Variants in APC observed in about 807,000 individuals in gnomAD.
APC encodes the protein APC regulator of Wnt signaling pathway.
APC carries 72 observed loss-of-function variants against 247.0 expected under a neutral mutation model. The observed-to-expected ratio is 0.29, with a 90% CI of 0.24 to 0.35. The LOEUF (loss-of-function observed/expected upper bound fraction) is 0.35. APC is among the 10% of genes least tolerant of loss of function. APC has a pLI of 1.00. For synonymous variants in APC, 1,254 were observed against 1,162.5 expected (o/e 1.08, Z -1.60); for missense variants, 3,400 against 3,360.7 (o/e 1.01, Z -0.29).
In APC at chr5:112,838,750, C is replaced by T; in HGVS notation, c.3156C>T (p.Pro1052=). ...CACAGAATGAAAGATGGGCAAGACC[C>T]AAACACATAATAGAAGATGAAATAA... ...SPSQNERWAR[P]KHIIEDEIKQ... Residue 1052 remains proline (P), a synonymous_variant, in exon 16 of 16, where the codon CCC becomes CCT. Transcript: ENST00000257430. 6 of 1,614,030 alleles carry T rather than the reference C, an allele frequency of 3.7e-6. No homozygotes were observed. The highest frequency in any genetic ancestry group is 5.1e-6 in the Non-Finnish European group (6 of 1,179,998).
intron 10 of APC, among the ~76,000 whole-genome samples, chr5:112,819,687 C>T (rs755416315): frequency 6.6e-6 from 1 of 152,166 alleles, no homozygotes; most frequent in Non-Finnish European, 1.5e-5. Flanking sequence ...AGTGACTTTA[C>T]GTAAGTTCCT....
At chr5:112,790,777 G>A (rs1397647427) in intron 6 of APC, among the ~76,000 whole-genome samples, 2 of 152,196 alleles carry the variant, frequency 1.3e-5, no homozygotes, top group African/African-American at 4.8e-5. Flanking sequence ...ATAACTGCAT[G>A]TATTTAAAGC....
chr5:112,814,853 C>T (rs1389445682), intron 8 of APC, among the ~76,000 whole-genome samples: 23 of 152,204 alleles, frequency 1.5e-4, no homozygotes, highest in Admixed American at 1.4e-3. Context: ...GTATTTGTAC[C>T]TTTGCACAGT....
chr5:112,821,698 G>A (rs183704385), intron 10 of APC, among the ~76,000 whole-genome samples, 198 bp from the exon 11 acceptor site: 1 of 152,184 alleles, frequency 6.6e-6, no homozygotes, highest in East Asian at 1.9e-4. Flanking sequence ...ACATTTTTAT[G>A]GAAACAAATC....
chr5:112,757,736 C>T (rs1162625105), intron 2 of APC, among the ~76,000 whole-genome samples: 1 of 152,006 alleles, frequency 6.6e-6, no homozygotes, highest in Non-Finnish European at 1.5e-5. Flanking sequence ...TAGGTCTCCT[C>T]CAACCGGATT....
At chr5:112,836,594 A>G (rs965316113) in intron 15 of APC, among the ~76,000 whole-genome samples, 2 of 152,246 alleles carry the variant, frequency 1.3e-5, no homozygotes, top group Admixed American at 6.5e-5. Context: ...AGAGTTCATT[A>G]TGCTGATTCT....
At chr5:112,734,066 G>A (rs1014857973), upstream of APC, among the ~76,000 whole-genome samples, 5 of 152,256 alleles carry the variant, frequency 3.3e-5, no homozygotes, top group South Asian at 2.1e-4. Flanking sequence ...GGCTGCTCAC[G>A]TCTGTAATCA....
chr5:112,839,061 A>T lies in APC; in HGVS notation c.3467A>T (p.Glu1156Val). The T allele has an allele frequency of 6.2e-7, 1 of 1,614,124 alleles. No homozygotes were observed. Among genetic ancestry groups the T allele is most frequent in the Non-Finnish European group, 8.5e-7 (1 of 1,180,026 alleles). Residue 1156 changes from glutamate to valine, a missense_variant, in exon 16 of 16, where the codon GAA becomes GTA. Coordinates refer to ENST00000257430, the MANE Select transcript of APC (RefSeq NM_000038.6). The surrounding 1 kb of genome is among the most constrained non-coding windows in gnomAD (Gnocchi z 5.0). ...TCTGAAGAAGAACAGCATGAAGAAG[A>T]AGAGAGACCAACAAATTATAGCATA... ...RYSEEEQHEE[E>V]ERPTNYSIKY...
chr5:112,829,477 A>G (rs1300297168), intron 14 of APC: 2 of 164,312 alleles, frequency 1.2e-5, no homozygotes, highest in Non-Finnish European at 2.7e-5. Flanking sequence ...ACCAGTCCAT[A>G]GTTTTAGAGT....
At chr5:112,765,809 TAC>T (rs1449119380) in intron 2 of APC, among the ~76,000 whole-genome samples, 1 of 152,170 alleles carries the variant, frequency 6.6e-6, no homozygotes, top group Admixed American at 6.5e-5. Context: ...GTAGTGAACA[TAC>T]AGTCATTTGA....
At chr5:112,709,492 T>C (rs1376576807) in intron 1 of APC, among the ~76,000 whole-genome samples, 3 of 152,178 alleles carry the variant, frequency 2.0e-5, no homozygotes, top group Non-Finnish European at 2.9e-5. Context: ...TGCATACAGT[T>C]TGAAGGGGCA....
In APC at chr5:112,773,702, A is replaced by G. The variant is rs556610805; in HGVS notation, c.423-1927A>G. Among the ~76,000 whole-genome samples, 8 of 152,332 alleles carry G rather than the reference A, an allele frequency of 5.3e-5. No individual in the cohort carries two copies. The East Asian group carries it at 1.3e-3, about 26-fold the overall frequency. On this transcript the variant is annotated intron_variant, in intron 4 of 15. Transcript: ENST00000257430. ...AGTTCACACCCATATTCAAGGGTCAACTGAGTAAAAAATGTTAAAAAGACA... is the reference window on the plus strand; with the variant it reads ...AGTTCACACCCATATTCAAGGGTCAGCTGAGTAAAAAATGTTAAAAAGACA...
intron 14 of APC, among the ~76,000 whole-genome samples, chr5:112,834,027 C>A (rs544443711): frequency 2.0e-5 from 3 of 152,000 alleles, no homozygotes; most frequent in African/African-American, 7.2e-5. Context: ...TCATGGCTTA[C>A]TGCAGCCTTG....
chr5:112,730,025 A>T (rs967482154), intron 1 of APC, among the ~76,000 whole-genome samples: 1 of 152,124 alleles, frequency 6.6e-6, no homozygotes, highest in Non-Finnish European at 1.5e-5. Flanking sequence ...GTTTCTCTTT[A>T]GTTATTTAAC....
intron 1 of APC, among the ~76,000 whole-genome samples, chr5:112,718,808 A>G (rs1751323380): frequency 6.6e-6 from 1 of 152,208 alleles, no homozygotes; most frequent in Admixed American, 6.5e-5. Flanking sequence ...GTAAGTCCAA[A>G]TATTTCTTTG....
chr5:112,709,377 A>G (rs1035963191), intron 1 of APC, among the ~76,000 whole-genome samples: 6 of 152,166 alleles, frequency 3.9e-5, no homozygotes, highest in African/African-American at 1.4e-4. Context: ...AAGGAGGAAT[A>G]TTTTTATGTT....
chr5:112,820,173 A>G (rs1762973518), intron 10 of APC, among the ~76,000 whole-genome samples: 2 of 144,892 alleles, frequency 1.4e-5, no homozygotes, highest in Admixed American at 1.3e-4. Context: ...CTTTCACCTG[A>G]TAAGAACTGA....
chr5:112,836,165 T>TTCCCCCCCCCCCCCCCCCCCCC lies in APC; in HGVS notation c.1958+1000_1958+1001insTCCCCCCCCCCCCCCCCCCCCC, dbSNP rs1554083526. Among the ~76,000 whole-genome samples the TTCCCCCCCCCCCCCCCCCCCCC allele has an allele frequency of 5.3e-4, 13 of 24,478 alleles. 5 individuals are homozygous for TTCCCCCCCCCCCCCCCCCCCCC. Among genetic ancestry groups the TTCCCCCCCCCCCCCCCCCCCCC allele is most frequent in the East Asian group, 3.5e-3 (1 of 286 alleles). 16.1% of individuals were successfully genotyped at this position (24,478 alleles called of 152,430 possible). ...CCTCCCGAGTAGCTGGGATTACAGG[T>TTCCCCCCCCCCCCCCCCCCCCC]CCCCCCCCCCCCCCGCCACCGTGCC... On this transcript the variant is annotated intron_variant, in intron 15 of 15. Coordinates refer to ENST00000257430, the MANE Select transcript of APC (RefSeq NM_000038.6).
At chr5:112,760,088 G>T (rs1755482700) in intron 2 of APC, among the ~76,000 whole-genome samples, 1 of 152,082 alleles carries the variant, frequency 6.6e-6, no homozygotes, top group African/African-American at 2.4e-5. Context: ...TGAGATTACT[G>T]GTAATTTTCT....
Sources: allele counts gnomAD v4.1 joint callset (sites outside exome capture counted in the v4.1 genomes callset), GRCh38; gene constraint gnomAD v4.1.1; non-coding constraint Gnocchi (gnomAD v3.1); transcripts MANE v1.5; gene names NCBI Gene and HGNC (gene_info 2026-07-23, HGNC 2026-07-21).